WASHC3: variants seen among roughly 807,000 people sequenced by gnomAD.
WASHC3 encodes the protein WASH complex subunit 3.
A neutral mutation model predicts 26.1 loss-of-function variants in WASHC3; 24 were observed. The ratio of observed to expected loss-of-function variants is 0.92; its 90% CI spans 0.66 to 1.29. The LOEUF (loss-of-function observed/expected upper bound fraction) is 1.29, where lower values mean the gene tolerates loss of function less well. Ranked by LOEUF, WASHC3 falls within the 50% of genes most tolerant of loss-of-function variation. The probability of loss-of-function intolerance (pLI) is 0.00; values close to 1 mark genes in which losing one functional copy is unlikely to be tolerated. For missense variants in WASHC3, 214 were observed against 229.6 expected (o/e 0.93, Z 0.44); for synonymous variants, 77 against 75.7 (o/e 1.02, Z -0.09).
chr12:102,033,398 ATAG>A (rs949928301), intron 5 of WASHC3, among the ~76,000 whole-genome samples: 24 of 152,308 alleles, frequency 1.6e-4, no homozygotes, highest in Middle Eastern at 3.4e-3. Flanking sequence ...AATAATTAAA[ATAG>A]TAGGAGAAAT....
At chr12:102,038,306 T>G (rs910718876) in intron 5 of WASHC3, among the ~76,000 whole-genome samples, 4 of 152,170 alleles carry the variant, frequency 2.6e-5, no homozygotes, top group African/African-American at 9.7e-5. Context: ...AAGAAAAAGA[T>G]TTTTTGAAGT....
chr12:102,022,151 A>G (rs1876987281), intron 6 of WASHC3, among the ~76,000 whole-genome samples: 3 of 152,178 alleles, frequency 2.0e-5, no homozygotes, highest in African/African-American at 7.2e-5. Context: ...AATTTCAGAA[A>G]TCTGTTCTTT....
chr12:102,018,062 T>C (rs1876786576), intron 6 of WASHC3, among the ~76,000 whole-genome samples: 1 of 152,220 alleles, frequency 6.6e-6, no homozygotes, highest in Non-Finnish European at 1.5e-5. Flanking sequence ...TCATAAAATA[T>C]TTGTCCTTCT....
At chr12:102,061,695 C>T (rs1440704230) in intron 1 of WASHC3, among the ~76,000 whole-genome samples, 1 of 152,174 alleles carries the variant, frequency 6.6e-6, no homozygotes, top group Non-Finnish European at 1.5e-5. Flanking sequence ...TGGGAAGCGA[C>T]AGTTGGGAGA....
intron 5 of WASHC3, among the ~76,000 whole-genome samples, chr12:102,031,381 G>C (rs1399587371): frequency 6.6e-6 from 1 of 152,070 alleles, no homozygotes; most frequent in Non-Finnish European, 1.5e-5. Flanking sequence ...AAATGTCAGA[G>C]GTCACTTGAA....
intron 6 of WASHC3, 132 bp downstream of exon 6, chr12:102,025,842 A>T (rs1877159566): frequency 1.6e-6 from 1 of 635,834 alleles, no homozygotes; most frequent in African/African-American, 1.9e-5. Context: ...CAGACACACT[A>T]TTTACAAAGA....
rs752379668 is a variant in WASHC3, at chr12:102,061,954, C to T, written c.9G>A (p.Glu3=). The T allele has an allele frequency of 6.3e-7, 1 of 1,598,230 alleles. No individual in the cohort carries two copies. Among genetic ancestry groups the T allele is most frequent in the African/African-American group, 1.3e-5 (1 of 74,816 alleles). ...CTGACCCCATGAGAGGAAGCCCGTC[C>T]TCATCCATCTCCTCAGCGGGCGGTG... The part of the protein sequence containing the change: MD[E]DGLPLMGSGI... The change falls in exon 1 of 7, where the codon GAG becomes GAA. Residue 3 remains glutamate (E), a synonymous_variant. Transcript: ENST00000240079.
chr12:102,041,720 T>G (rs1029510202), intron 4 of WASHC3, among the ~76,000 whole-genome samples: 4 of 152,000 alleles, frequency 2.6e-5, no homozygotes, highest in Non-Finnish European at 4.4e-5. Flanking sequence ...AAATGAGAAG[T>G]TGATGTGAAT....
intron 2 of WASHC3, among the ~76,000 whole-genome samples, chr12:102,051,814 T>C (rs1404129273): frequency 6.6e-6 from 1 of 152,234 alleles, no homozygotes; most frequent in Admixed American, 6.5e-5. Flanking sequence ...ACTAAACCTC[T>C]CTCAAAGGAC....
intron 2 of WASHC3, among the ~76,000 whole-genome samples, chr12:102,049,253 T>C (rs149654728): frequency 1.3e-5 from 2 of 152,368 alleles, no homozygotes; most frequent in African/African-American, 4.8e-5. Context: ...AAGACACCTC[T>C]AGACATAGCC....
intron 5 of WASHC3, among the ~76,000 whole-genome samples, chr12:102,032,429 G>A (rs758985502): frequency 2.0e-5 from 3 of 152,164 alleles, no homozygotes; most frequent in Non-Finnish European, 4.4e-5. Flanking sequence ...TTGGAAAAGT[G>A]ATCTATGTAC....
chr12:102,021,725 C>T (rs1739023963), intron 6 of WASHC3, among the ~76,000 whole-genome samples: 2 of 152,130 alleles, frequency 1.3e-5, no homozygotes, highest in Admixed American at 1.3e-4. Flanking sequence ...CTCAACCGGC[C>T]AAAACTCAAC....
chr12:102,027,815 T>C (rs954732954), intron 5 of WASHC3, among the ~76,000 whole-genome samples: 10 of 152,178 alleles, frequency 6.6e-5, no homozygotes, highest in African/African-American at 1.9e-4. Context: ...CCCATTTATA[T>C]ACTTATCTTG....
intron 4 of WASHC3, among the ~76,000 whole-genome samples, chr12:102,042,753 CT>C (rs1275073637): frequency 2.0e-5 from 3 of 152,154 alleles, no homozygotes; most frequent in Non-Finnish European, 4.4e-5. Flanking sequence ...AAAAAATATC[CT>C]GTGAAAAGTG....
At chr12:102,020,847 C>T (rs141001662) in intron 6 of WASHC3, among the ~76,000 whole-genome samples, 10 of 152,138 alleles carry the variant, frequency 6.6e-5, no homozygotes, top group East Asian at 3.9e-4. Context: ...TTTGGGAGGC[C>T]GAGGTGGGTG....
At chr12:102,059,136 T>A (rs1878706761) in intron 2 of WASHC3, among the ~76,000 whole-genome samples, 2 of 152,178 alleles carry the variant, frequency 1.3e-5, no homozygotes, top group Non-Finnish European at 2.9e-5. Flanking sequence ...CATGTCATGG[T>A]GACTGCTGTT....
chr12:102,034,671 C>T (rs535846748), intron 5 of WASHC3, among the ~76,000 whole-genome samples: 2 of 151,600 alleles, frequency 1.3e-5, no homozygotes, highest in Admixed American at 6.6e-5. Context: ...AATTTTAAGA[C>T]TAGACCTACG....
intron 2 of WASHC3, among the ~76,000 whole-genome samples, chr12:102,052,554 C>T (rs1422680315): frequency 6.6e-6 from 1 of 151,840 alleles, no homozygotes; most frequent in African/African-American, 2.4e-5. Context: ...AGGGACAGGC[C>T]AGCCCCAGTG....
intron 2 of WASHC3, among the ~76,000 whole-genome samples, chr12:102,050,020 C>A (rs1878322665): frequency 1.3e-5 from 2 of 152,110 alleles, no homozygotes; most frequent in East Asian, 1.9e-4. Flanking sequence ...AATCCAGTAT[C>A]TTAGGCATGT....
Sources: gnomAD v4.1 joint callset for allele counts (sites outside exome capture counted in the v4.1 genomes callset) on GRCh38, gnomAD v4.1.1 for gene constraint, MANE v1.5 for transcripts, NCBI Gene and HGNC (gene_info 2026-07-23, HGNC 2026-07-21) for gene names.